CRISPLD1: variants seen among roughly 807,000 people sequenced by gnomAD.
CRISPLD1 encodes cysteine rich secretory protein LCCL domain containing 1.
CRISPLD1 carries 60 observed loss-of-function variants against 77.5 expected under a neutral mutation model. The observed-to-expected ratio is 0.77, with a 90% CI of 0.63 to 0.96. The LOEUF is 0.96. CRISPLD1 is among the 40% of genes least tolerant of loss of function. CRISPLD1 has a pLI of 0.00. For synonymous variants in CRISPLD1, 195 were observed against 200.1 expected (o/e 0.97, Z 0.22); for missense variants, 623 against 615.8 (o/e 1.01, Z -0.12).
chr8:75,026,172 A>G (rs897016733), intron 13 of CRISPLD1, among the ~76,000 whole-genome samples: 20 of 152,024 alleles, frequency 1.3e-4, no homozygotes, highest in South Asian at 2.1e-4. Context: ...TTAACCTCAA[A>G]CTCGGGCTCA....
chr8:75,023,073 T>TAAAAA (rs397891797), intron 12 of CRISPLD1, among the ~76,000 whole-genome samples: 2 of 112,044 alleles, frequency 1.8e-5, no homozygotes, highest in Admixed American at 9.7e-5. Context: ...AAATTGTAGG[T>TAAAAA]AAAAAAAAAA....
chr8:74,997,692 A>G (rs1812667263), intron 2 of CRISPLD1, among the ~76,000 whole-genome samples: 1 of 152,188 alleles, frequency 6.6e-6, no homozygotes, highest in Non-Finnish European at 1.5e-5. Flanking sequence ...GCTGAGAACC[A>G]GTGGTCAGCA....
At chr8:74,987,641 T>A (rs1812515807) in intron 2 of CRISPLD1, among the ~76,000 whole-genome samples, 1 of 152,224 alleles carries the variant, frequency 6.6e-6, no homozygotes, top group Admixed American at 6.5e-5. Context: ...TATTTCTGCT[T>A]CTTGTATAGT....
At chr8:75,022,521 G>A (rs1043853515) in intron 12 of CRISPLD1, among the ~76,000 whole-genome samples, 1 of 151,070 alleles carries the variant, frequency 6.6e-6, no homozygotes, top group African/African-American at 2.4e-5. Flanking sequence ...CCGGGAGGCC[G>A]AGCTTGCAGT....
intron 10 of CRISPLD1, 71 bp downstream of exon 10, chr8:75,017,521 A>T: frequency 1.6e-6 from 2 of 1,242,840 alleles, no homozygotes; most frequent in Non-Finnish European, 2.2e-6. Context: ...ATTTTTTTTT[A>T]GAGCAAAGCA....
chr8:75,025,522 T>G, intron 12 of CRISPLD1, 24 bp from the exon 13 acceptor site: 1 of 1,093,936 alleles, frequency 9.1e-7, no homozygotes, highest in Non-Finnish European at 1.3e-6. Context: ...ACTTAATATA[T>G]ATATAATATA....
intron 2 of CRISPLD1, among the ~76,000 whole-genome samples, chr8:74,994,840 G>A (rs1434392921): frequency 6.6e-6 from 1 of 152,140 alleles, no homozygotes; most frequent in Non-Finnish European, 1.5e-5. Context: ...TGTACAGTTT[G>A]CGCCATTAGA....
At chr8:75,030,762 G>A (rs1813324350) in intron 14 of CRISPLD1, among the ~76,000 whole-genome samples, 1 of 133,718 alleles carries the variant, frequency 7.5e-6, no homozygotes, top group Non-Finnish European at 1.7e-5. Context: ...ATATATGTGT[G>A]TATATGTATA....
At chr8:75,022,293 T>C (rs189558900) in intron 12 of CRISPLD1, among the ~76,000 whole-genome samples, 1 of 151,974 alleles carries the variant, frequency 6.6e-6, no homozygotes, top group Admixed American at 6.6e-5. Flanking sequence ...GTGTAAAATT[T>C]GTAATAGTTT....
chr8:75,032,297 A>C lies in CRISPLD1; in HGVS notation c.*55A>C, dbSNP rs1813364548. On this transcript the variant is annotated 3_prime_UTR_variant, in exon 15 of 15. Coordinates refer to ENST00000262207, the MANE Select transcript of CRISPLD1 (RefSeq NM_031461.6). The stretch of plus-strand genomic sequence containing the variant: ...ACTATTCCAAATGCAATATTTCTGA[A>C]TTTTGTATAAAACTGTAACATTACT... 2 of 1,402,534 alleles carry C rather than the reference A, an allele frequency of 1.4e-6. No homozygotes were observed. Among genetic ancestry groups the C allele is most frequent in the Admixed American group, 3.6e-5 (2 of 54,904 alleles). 86.9% of individuals were successfully genotyped at this position (1,402,534 alleles called of 1,614,324 possible).
At chr8:75,016,444 A>T (rs977876077) in intron 6 of CRISPLD1, 121 bp from the exon 7 acceptor site, 59 of 1,004,360 alleles carry the variant, frequency 5.9e-5, no homozygotes, top group Middle Eastern at 3.2e-4. Context: ...CTGTGCAGAA[A>T]AACAGTACTG....
chr8:75,004,078 CTTTG>C (rs1156815794), intron 2 of CRISPLD1, among the ~76,000 whole-genome samples: 1 of 151,884 alleles, frequency 6.6e-6, no homozygotes, highest in Non-Finnish European at 1.5e-5. Context: ...GGTTTTAAGC[CTTTG>C]TTTTAGATTT....
intron 10 of CRISPLD1, among the ~76,000 whole-genome samples, chr8:75,017,934 A>G (rs988779810): frequency 2.6e-5 from 4 of 152,210 alleles, no homozygotes; most frequent in African/African-American, 9.7e-5. Flanking sequence ...AAGTATCCCA[A>G]TATAAAAGCA....
Position 75,017,029 on chromosome 8 carries a change from C to A in CRISPLD1, c.930-18C>A. ...CATTCAGAGAAACTAAATTTTGTGC[C>A]CAATTACTTTTATTTAGGTACGAAT... On this transcript the variant is annotated intron_variant, in intron 8 of 14. Coordinates refer to ENST00000262207, the MANE Select transcript of CRISPLD1 (RefSeq NM_031461.6). 2 of 1,603,172 alleles carry A rather than the reference C, an allele frequency of 1.2e-6. No homozygotes were observed. The highest frequency in any genetic ancestry group is 1.7e-6 in the Non-Finnish European group (2 of 1,174,086).
chr8:75,030,589 A>T (rs1331648043), intron 14 of CRISPLD1, among the ~76,000 whole-genome samples: 2 of 152,008 alleles, frequency 1.3e-5, no homozygotes, highest in Non-Finnish European at 2.9e-5. Context: ...ACCTACTATG[A>T]ATATTCCAGA....
At chr8:75,021,093 A>G (rs1323474478) in intron 12 of CRISPLD1, among the ~76,000 whole-genome samples, 1 of 152,198 alleles carries the variant, frequency 6.6e-6, no homozygotes, top group Non-Finnish European at 1.5e-5. Flanking sequence ...ATATCATTGT[A>G]ATTTGACAAA....
intron 2 of CRISPLD1, among the ~76,000 whole-genome samples, chr8:74,996,971 C>T (rs1355861622): frequency 6.6e-6 from 1 of 152,056 alleles, no homozygotes; most frequent in Non-Finnish European, 1.5e-5. Flanking sequence ...CCTGCCTCGG[C>T]CTCCTGAAGT....
chr8:75,025,174 C>A (rs1813210028), intron 12 of CRISPLD1, among the ~76,000 whole-genome samples: 1 of 152,088 alleles, frequency 6.6e-6, no homozygotes, highest in African/African-American at 2.4e-5. Context: ...AGAAGAGAAT[C>A]TATGAGATGT....
At chr8:74,986,340 A>G (rs935342999) in intron 2 of CRISPLD1, 95 bp downstream of exon 2, 1 of 1,275,692 alleles carries the variant, frequency 7.8e-7, no homozygotes, top group Non-Finnish European at 1.1e-6. Context: ...TTTATTTTAT[A>G]TGAAGTTGAA....
Sources: allele counts gnomAD v4.1 joint callset (sites outside exome capture counted in the v4.1 genomes callset), GRCh38; gene constraint gnomAD v4.1.1; transcripts MANE v1.5; gene names NCBI Gene and HGNC (gene_info 2026-07-23, HGNC 2026-07-21).